NCKAP1: variants seen among roughly 807,000 people sequenced by gnomAD.
NCKAP1 encodes NCK associated protein 1.
In NCKAP1, 21 loss-of-function variants were observed where a neutral mutation model predicts 151.2. The observed-to-expected ratio is 0.14, with a 90% confidence interval of 0.10 to 0.20. The LOEUF is 0.20. NCKAP1 is among the 10% of genes least tolerant of loss of function. NCKAP1 has a pLI of 1.00. For missense variants in NCKAP1, 933 were observed against 1,352.1 expected (o/e 0.69, Z 4.86); for synonymous variants, 484 against 451.8 (o/e 1.07, Z -0.90).
chr2:183,003,836 A>C (rs765472082), intron 2 of NCKAP1, among the ~76,000 whole-genome samples: 1 of 152,116 alleles, frequency 6.6e-6, no homozygotes, highest in African/African-American at 2.4e-5. Context: ...AAAACACAAT[A>C]ATATATTAAA....
At chr2:182,971,393 CAA>C (rs1190689259) in intron 15 of NCKAP1, among the ~76,000 whole-genome samples, 2,698 of 68,662 alleles carry the variant, frequency 0.039, 19 homozygotes, top group Non-Finnish European at 0.057. Context: ...GACTCCGTCT[CAA>C]AAAAAAAAAA....
chr2:183,002,893 T>C lies in NCKAP1; in HGVS notation c.369+81A>G, dbSNP rs1458790741. 4 of 956,778 alleles carry C rather than the reference T, an allele frequency of 4.2e-6. No homozygotes were observed. In the African/African-American group the frequency reaches 5.0e-5, roughly 12 times the overall value. 59.3% of individuals were successfully genotyped at this position (956,778 alleles called of 1,614,324 possible). On this transcript the variant is annotated intron_variant, in intron 4 of 30. Coordinates refer to ENST00000361354, the MANE Select transcript of NCKAP1 (RefSeq NM_013436.5). ...AAAACTTTATATGCTAGTTACATAA[T>C]CTAGCTAAAGAAAAGCAAGTGGTCC...
At chr2:182,948,869 G>T (rs1697159526) in intron 23 of NCKAP1, among the ~76,000 whole-genome samples, 1 of 152,138 alleles carries the variant, frequency 6.6e-6, no homozygotes, top group Non-Finnish European at 1.5e-5. Context: ...ATAGATAAAT[G>T]TACTCTCACT....
chr2:182,982,673 C>T, intron 12 of NCKAP1, 148 bp downstream of exon 12: 1 of 586,118 alleles, frequency 1.7e-6, no homozygotes, highest in African/African-American at 1.9e-5. Flanking sequence ...CTAGGCTAAG[C>T]TCTAATGTTC....
chr2:182,932,976 A>C (rs180817895), intron 26 of NCKAP1, among the ~76,000 whole-genome samples: 1 of 152,224 alleles, frequency 6.6e-6, no homozygotes, highest in Non-Finnish European at 1.5e-5. Context: ...CACCAAAAAA[A>C]CAAAGTCTGG....
intron 5 of NCKAP1, 35 bp downstream of exon 5, chr2:183,002,092 A>G (rs761670310): frequency 8.1e-6 from 13 of 1,612,436 alleles, no homozygotes; most frequent in Admixed American, 1.7e-5. Context: ...CATCAAACTG[A>G]GCATTTTAGA....
chr2:183,038,128 GCCGCCTCGC>G lies in NCKAP1; in HGVS notation c.-38_-30del. ...GGTGCTGGTGCCGCCGCCGCCGCCG[GCCGCCTCGC>G]GCCCAGTCACGGGCCCGCGGCCTTC... On this transcript the variant is annotated 5_prime_UTR_variant, in exon 1 of 31. Transcript: ENST00000361354. The G allele has an allele frequency of 6.7e-7, 1 of 1,490,776 alleles. No homozygotes were observed. The highest frequency in any genetic ancestry group is 8.9e-7 in the Non-Finnish European group (1 of 1,121,296). The allele number at this position is 1,490,776 out of a possible 1,614,324, so 92.3% of individuals were successfully genotyped here.
intron 6 of NCKAP1, among the ~76,000 whole-genome samples, chr2:182,998,509 C>T (rs565029189): frequency 6.6e-6 from 1 of 151,922 alleles, no homozygotes; most frequent in Non-Finnish European, 1.5e-5. Context: ...TTTCTATACA[C>T]TAATAACATT....
intron 1 of NCKAP1, among the ~76,000 whole-genome samples, chr2:183,024,772 C>T (rs939149800): frequency 1.3e-5 from 2 of 152,172 alleles, no homozygotes; most frequent in African/African-American, 4.8e-5. Flanking sequence ...TTCTATTTAA[C>T]TTCTTTTTAT....
rs5836857 is a variant in NCKAP1, at chr2:182,910,948, G to GCACCCCCCCCCCCCC, written c.*14753_*14754insGGGGGGGGGGGGGTG. The GCACCCCCCCCCCCCC allele has an allele frequency of 8.5e-6, 1 of 117,816 alleles. No individual in the cohort carries two copies. Among genetic ancestry groups the GCACCCCCCCCCCCCC allele is most frequent in the Admixed American group, 9.5e-5 (1 of 10,538 alleles). 7.3% of individuals were successfully genotyped at this position (117,816 alleles called of 1,614,324 possible). ...CTTGGAAATAAAAATAAAATCCTAA[G>GCACCCCCCCCCCCCC]CTCCCCCCCCACATTTGACTAAACA... On this transcript the variant is annotated 3_prime_UTR_variant, in exon 31 of 31. Coordinates refer to ENST00000361354, the MANE Select transcript of NCKAP1 (RefSeq NM_013436.5).
chr2:182,926,979 C>T (rs1696661343), intron 29 of NCKAP1, 74 bp from the exon 30 acceptor site: 3 of 945,532 alleles, frequency 3.2e-6, no homozygotes, highest in South Asian at 3.0e-5. Context: ...AGGTATGTTT[C>T]AACTTCCAAC....
intron 19 of NCKAP1, 173 bp from the exon 20 acceptor site, chr2:182,956,766 C>T (rs929004773): frequency 1.7e-6 from 1 of 581,112 alleles, no homozygotes; most frequent in Non-Finnish European, 2.8e-6. Context: ...CACATAAGAG[C>T]AATATTCTAA....
intron 8 of NCKAP1, among the ~76,000 whole-genome samples, chr2:182,989,528 A>C (rs1214352095): frequency 6.6e-6 from 1 of 152,186 alleles, no homozygotes; most frequent in Non-Finnish European, 1.5e-5. Context: ...TAATCATTAC[A>C]GTTGTTATAA....
At chr2:182,980,157 A>G (rs1373565882) in intron 13 of NCKAP1, among the ~76,000 whole-genome samples, 2 of 152,112 alleles carry the variant, frequency 1.3e-5, no homozygotes, top group African/African-American at 4.8e-5. Context: ...ATTCAAATAA[A>G]ATTATAGTAA....
chr2:182,961,877 C>A (rs1697461255), intron 18 of NCKAP1, among the ~76,000 whole-genome samples: 1 of 152,142 alleles, frequency 6.6e-6, no homozygotes, highest in Non-Finnish European at 1.5e-5. Flanking sequence ...AATTCCAGTT[C>A]TTTTGCAACT....
intron 2 of NCKAP1, among the ~76,000 whole-genome samples, chr2:183,008,305 G>T (rs1346565308): frequency 6.6e-6 from 1 of 152,178 alleles, no homozygotes; most frequent in Non-Finnish European, 1.5e-5. Flanking sequence ...TTAACAGCAC[G>T]TGAAGAATAC....
Position 182,910,597 on chromosome 2 carries a change from G to A in NCKAP1, c.*15105C>T, listed in dbSNP as rs1397271656. The A allele has an allele frequency of 6.6e-6, 1 of 152,258 alleles. No homozygotes were observed. Among genetic ancestry groups the A allele is most frequent in the African/African-American group, 2.4e-5 (1 of 41,458 alleles). The allele number at this position is 152,258 out of a possible 1,614,324, so 9.4% of individuals were successfully genotyped here. On this transcript the variant is annotated 3_prime_UTR_variant, in exon 31 of 31. Transcript: ENST00000361354. The stretch of plus-strand genomic sequence containing the variant: ...AGAACCTAGATAGATGATGCTGTGA[G>A]GGCTGCGGCTGTGCTCTGCACTTCT...
intron 10 of NCKAP1, 92 bp downstream of exon 10, chr2:182,986,079 T>C (rs1698050670): frequency 8.6e-7 from 1 of 1,160,172 alleles, no homozygotes; most frequent in African/African-American, 1.5e-5. Flanking sequence ...TACCATATCT[T>C]GCATACTATT....
At chr2:183,006,940 C>G (rs1377163065) in intron 2 of NCKAP1, among the ~76,000 whole-genome samples, 1 of 152,006 alleles carries the variant, frequency 6.6e-6, no homozygotes, top group African/African-American at 2.4e-5. Context: ...GGTGTGATGT[C>G]GGCTCACTGC....
Sources: gnomAD v4.1 joint callset for allele counts (sites outside exome capture counted in the v4.1 genomes callset) on GRCh38, gnomAD v4.1.1 for gene constraint, MANE v1.5 for transcripts, NCBI Gene and HGNC (gene_info 2026-07-23, HGNC 2026-07-21) for gene names.